MED13: variants seen among roughly 807,000 people sequenced by gnomAD.
The protein encoded by MED13 is mediator of RNA polymerase II transcription subunit 13.
A neutral mutation model predicts 225.2 loss-of-function variants in MED13; 23 were observed. The observed-to-expected ratio is 0.10, with a 90% CI of 0.07 to 0.14. MED13 has a LOEUF of 0.14. Among genes scored for constraint, MED13 ranks in the 10% least tolerant of loss-of-function variants. The pLI is 1.00. For missense variants in MED13, 2,197 were observed against 2,594.5 expected (o/e 0.85, Z 3.33); for synonymous variants, 942 against 889.2 (o/e 1.06, Z -1.06).
chr17:61,975,297 C>G (rs1386117746), intron 16 of MED13, among the ~76,000 whole-genome samples: 1 of 152,122 alleles, frequency 6.6e-6, no homozygotes, highest in Non-Finnish European at 1.5e-5. Flanking sequence ...GGCAAAAAAT[C>G]TGAAAAGTCA....
rs73334684 is a variant in MED13 at position 61,986,001 on chromosome 17, C to G, written c.2386-911G>C. On this transcript the variant is annotated intron_variant, in intron 12 of 29. Coordinates refer to ENST00000397786, the MANE Select transcript of MED13 (RefSeq NM_005121.3). The stretch of plus-strand genomic sequence containing the variant: ...ATCTCCAAGCTCTTACCAGTGTTTT[C>G]AGAGCTAACATTTGTTCCATGTCTT... Among the ~76,000 whole-genome samples, 578 of 152,260 alleles carry G rather than the reference C, an allele frequency of 3.8e-3. 4 individuals are homozygous for G. Among genetic ancestry groups the G allele is most frequent in the African/African-American group, 0.013 (543 of 41,556 alleles).
At chr17:61,967,457 C>T (rs971108675) in intron 18 of MED13, among the ~76,000 whole-genome samples, 1 of 152,028 alleles carries the variant, frequency 6.6e-6, no homozygotes, top group African/African-American at 2.4e-5. Flanking sequence ...TATAAGGAAT[C>T]AAAATTTAAA....
chr17:61,995,439 T>C (rs2080339054), intron 9 of MED13, 74 bp from the exon 10 acceptor site: 1 of 1,017,972 alleles, frequency 9.8e-7, no homozygotes. Context: ...TTAAGTATCA[T>C]AATGTTTTTA....
chr17:62,007,843 G>A (rs952461459), intron 9 of MED13, among the ~76,000 whole-genome samples: 5 of 151,118 alleles, frequency 3.3e-5, no homozygotes, highest in African/African-American at 1.2e-4. Flanking sequence ...ACGAGACTAC[G>A]TCTCAAAAAA....
At chr17:62,035,908 T>C (rs1284785984) in intron 3 of MED13, among the ~76,000 whole-genome samples, 5 of 152,114 alleles carry the variant, frequency 3.3e-5, no homozygotes, top group Non-Finnish European at 2.9e-5. Flanking sequence ...AGTAGGTTTA[T>C]TGGAAAGGGA....
chr17:62,046,966 C>A (rs976034203), intron 3 of MED13, among the ~76,000 whole-genome samples: 1 of 151,588 alleles, frequency 6.6e-6, no homozygotes, highest in Non-Finnish European at 1.5e-5. Context: ...AGTGATCCTC[C>A]CACCTCAGTC....
intron 9 of MED13, among the ~76,000 whole-genome samples, chr17:61,996,292 T>C (rs570048297): frequency 6.6e-6 from 1 of 152,304 alleles, no homozygotes; most frequent in South Asian, 2.1e-4. Context: ...GCATAAGACA[T>C]GTTTAGACTC....
chr17:62,011,283 GA>G, intron 8 of MED13, 50 bp from the exon 9 acceptor site: 1 of 1,484,566 alleles, frequency 6.7e-7, no homozygotes, highest in Non-Finnish European at 9.2e-7. Flanking sequence ...CTATTATGGC[GA>G]AGTATAATAC....
intron 4 of MED13, 48 bp downstream of exon 4, chr17:62,035,415 G>C: frequency 1.4e-6 from 2 of 1,431,458 alleles, no homozygotes; most frequent in Non-Finnish European, 1.9e-6. Flanking sequence ...AGTCAAATAA[G>C]GATCTTTCAA....
chr17:61,999,344 GA>G (rs2080373607), intron 9 of MED13, among the ~76,000 whole-genome samples: 1 of 152,078 alleles, frequency 6.6e-6, no homozygotes, highest in African/African-American at 2.4e-5. Context: ...CTCTGAATCA[GA>G]ATCACAGACT....
chr17:61,962,693 C>G, intron 21 of MED13, 59 bp downstream of exon 21: 1 of 1,481,756 alleles, frequency 6.7e-7, no homozygotes, highest in Non-Finnish European at 9.4e-7. Context: ...GTATCTGAAA[C>G]TTCTGACAAC....
chr17:62,010,900 G>A lies in MED13; in HGVS notation c.1617C>T (p.His539=), dbSNP rs759845755. The part of the protein sequence containing the change: ...NSPQPPPLSP[H]PCDVVDEGVT... ...CTCCTTCATCAACCACATCACAAGG[G>A]TGAGGACTAAGTGGGGGTGGTTGAG... is the stretch of plus-strand genomic sequence containing the variant. Residue 539 remains histidine (H), a synonymous_variant, in exon 9 of 30, where the codon CAC becomes CAT. Transcript: ENST00000397786. 1.2e-6 allele frequency: 2 copies of A among 1,613,982 alleles called. No homozygotes were observed. The highest frequency in any genetic ancestry group is 2.2e-5 in the East Asian group (1 of 44,882).
intron 3 of MED13, among the ~76,000 whole-genome samples, chr17:62,047,058 G>C (rs1316609858): frequency 6.6e-6 from 1 of 151,106 alleles, no homozygotes; most frequent in Non-Finnish European, 1.5e-5. Flanking sequence ...AAAGAGACGG[G>C]GGTCTGCAGC....
chr17:62,043,026 G>A (rs1001714161), intron 3 of MED13, among the ~76,000 whole-genome samples: 2 of 151,392 alleles, frequency 1.3e-5, no homozygotes, highest in African/African-American at 4.9e-5. Context: ...GTGTGGTGGT[G>A]TACTCCTAAG....
At chr17:62,055,974 T>A (rs755856899) in intron 2 of MED13, among the ~76,000 whole-genome samples, 1 of 152,204 alleles carries the variant, frequency 6.6e-6, no homozygotes, top group African/African-American at 2.4e-5. Flanking sequence ...GAGCTATGCA[T>A]AAAACAAACA....
chr17:62,034,911 G>C (rs1567992428), intron 4 of MED13, among the ~76,000 whole-genome samples: 1 of 152,012 alleles, frequency 6.6e-6, no homozygotes, highest in South Asian at 2.1e-4. Flanking sequence ...TTGAGGTCAG[G>C]TGTTCAAGAC....
At chr17:61,974,000 A>C (rs924407743) in intron 16 of MED13, among the ~76,000 whole-genome samples, 5 of 152,166 alleles carry the variant, frequency 3.3e-5, no homozygotes, top group African/African-American at 1.2e-4. Flanking sequence ...AACAAAAACA[A>C]AAACAAAAAA....
intron 9 of MED13, among the ~76,000 whole-genome samples, chr17:61,996,061 G>A (rs768541110): frequency 8.5e-5 from 13 of 152,058 alleles, no homozygotes; most frequent in Non-Finnish European, 1.3e-4. Context: ...AAAATGACAG[G>A]AGATGACAGA....
At chr17:62,061,700 A>G (rs2081040450) in intron 2 of MED13, among the ~76,000 whole-genome samples, 1 of 152,312 alleles carries the variant, frequency 6.6e-6, no homozygotes, top group Non-Finnish European at 1.5e-5. Context: ...TGGCGGACTT[A>G]GCTTTTGGCA....
Sources: gnomAD v4.1 joint callset for allele counts (sites outside exome capture counted in the v4.1 genomes callset) on GRCh38, gnomAD v4.1.1 for gene constraint, MANE v1.5 for transcripts, NCBI Gene and HGNC (gene_info 2026-07-23, HGNC 2026-07-21) for gene names.